ITGB4: variants seen among roughly 807,000 people sequenced by gnomAD.
ITGB4 encodes the protein integrin beta-4.
A neutral mutation model predicts 207.6 loss-of-function variants in ITGB4; 159 were observed. The observed-to-expected ratio is 0.77, with a 90% CI of 0.67 to 0.87. The LOEUF is 0.87. ITGB4 is among the 40% of genes least tolerant of loss of function. ITGB4 has a pLI of 0.00. For missense variants in ITGB4, 2,278 were observed against 2,546.8 expected, an observed-to-expected ratio of 0.89 and a Z score of 2.27; for synonymous variants, 1,020 against 1,062.7, an observed-to-expected ratio of 0.96 and a Z score of 0.78.
intron 18 of ITGB4, 49 bp downstream of exon 18, chr17:75,737,693 C>A: frequency 1.4e-5 from 20 of 1,460,790 alleles, no homozygotes; most frequent in Non-Finnish European, 1.9e-5. Context: ...GGGTCCCCAC[C>A]CCAACAGGGC....
chr17:75,722,444 G>A lies in ITGB4; in HGVS notation c.-11+832G>A, dbSNP rs113029007. Among the ~76,000 whole-genome samples, 6 of 152,216 alleles carry A rather than the reference G, an allele frequency of 3.9e-5. No individual in the cohort carries two copies. The highest frequency in any genetic ancestry group is 5.9e-5 in the Non-Finnish European group (4 of 68,028). On this transcript the variant is annotated intron_variant, in intron 1 of 39. Transcript: ENST00000200181. This position sits in a 1 kb window ranked among gnomAD's most constrained non-coding sequence, Gnocchi z 6.2. ...ACAGGTGGCATGGTTGTTGCTGTCC[G>A]AAACAGAGCTGGCAGTGAAGGCTTG...
intron 26 of ITGB4, among the ~76,000 whole-genome samples, chr17:75,747,573 A>G (rs552378246): frequency 1.4e-4 from 22 of 152,274 alleles, no homozygotes; most frequent in East Asian, 5.8e-4. Flanking sequence ...TTTCCCCCCA[A>G]TGCAGGAACT....
chr17:75,723,684 GC>G (rs1328874150), intron 1 of ITGB4, among the ~76,000 whole-genome samples: 4 of 152,238 alleles, frequency 2.6e-5, no homozygotes, highest in Non-Finnish European at 5.9e-5. Flanking sequence ...GGGGACCCCA[GC>G]CCCCAGACCC....
chr17:75,731,166 T>C lies in ITGB4; in HGVS notation c.1093-80T>C, dbSNP rs990577648. 21 of 1,608,800 alleles carry C rather than the reference T, an allele frequency of 1.3e-5. No homozygotes were observed. The East Asian group carries it at 2.2e-4, about 17-fold the overall frequency. Reference sequence around the variant, plus strand: ...CCTGCAGGCTCTGTGATACCCCGCATGATGCCAGCCACACTTGGAGGTTGG... The same window carrying C: ...CCTGCAGGCTCTGTGATACCCCGCACGATGCCAGCCACACTTGGAGGTTGG... On this transcript the variant is annotated intron_variant, in intron 9 of 39. Transcript: ENST00000200181. The surrounding 1 kb of genome is among the most constrained non-coding windows in gnomAD (Gnocchi z 6.8).
rs761480611 is a variant in ITGB4 at position 75,756,610 on chromosome 17, C to T, written c.4890C>T (p.Pro1630=). 1.9e-6 allele frequency: 3 copies of T among 1,612,704 alleles called. No homozygotes were observed. The highest frequency in any genetic ancestry group is 1.7e-5 in the Admixed American group (1 of 59,998). ...TGCACCCGCAGAGCCCACTGTGTCC[C>T]CTGCCAGGTGAGTTGCCTCCCCCAG... is the stretch of plus-strand genomic sequence containing the variant. ...SQVHPQSPLC[P]LPGSAFTLST... Residue 1630 remains proline (P), a synonymous_variant, in exon 36 of 40, where the codon CCC becomes CCT. Coordinates refer to ENST00000200181, the MANE Select transcript of ITGB4 (RefSeq NM_000213.5).
intron 8 of ITGB4, 69 bp downstream of exon 8, chr17:75,730,573 TCTCCCTCCCTCC>T (rs541924596): frequency 1.6e-5 from 20 of 1,252,014 alleles, no homozygotes; most frequent in African/African-American, 1.3e-4. Flanking sequence ...CTCAGACACC[TCTCCCTCCCTCC>T]CTCCCTCCCT....
chr17:75,750,159 C>T lies in ITGB4; in HGVS notation c.3365C>T (p.Pro1122Leu), dbSNP rs1340952132. 6.2e-7 allele frequency: 1 copy of T among 1,613,834 alleles called. No individual in the cohort carries two copies. Among genetic ancestry groups the T allele is most frequent in the Non-Finnish European group, 8.5e-7 (1 of 1,180,026 alleles). ...AGTCAGATGTTGTCATCACAGCCAC[C>T]CCCTCACGGCGACCTGGGCGCCCCG... ...FTSQMLSSQP[P>L]PHGDLGAPQN... The change falls in exon 28 of 40, where the codon CCC (proline) becomes CTC (leucine). Residue 1122 changes from proline to leucine, a missense_variant. By Grantham distance (98) the Pro-to-Leu change is moderately conservative. Transcript: ENST00000200181. This position sits in a 1 kb window ranked among gnomAD's most constrained non-coding sequence, Gnocchi z 5.5.
chr17:75,730,529 G>A, intron 8 of ITGB4, 25 bp downstream of exon 8: 1 of 1,613,004 alleles, frequency 6.2e-7, no homozygotes, highest in Non-Finnish European at 8.5e-7. Flanking sequence ...TCCCACGGGT[G>A]GGAGGTGGTC....
At position 75,739,698 on chromosome 17, in the gene ITGB4, C is replaced by T; in HGVS notation, c.2247C>T (p.Cys749=). ...CKACLALLPC[C]NRGHMVGFKE... is the part of the protein sequence containing the mutation. The stretch of plus-strand genomic sequence containing the variant: ...CCTGCCTGGCACTTCTCCCGTGCTG[C>T]AACCGAGGTATGGGCCTGGCATCGC... The change falls in exon 19 of 40, where the codon TGC becomes TGT. Residue 749 remains cysteine (C), a synonymous_variant. Coordinates refer to ENST00000200181, the MANE Select transcript of ITGB4 (RefSeq NM_000213.5). This position sits in a 1 kb window ranked among gnomAD's most constrained non-coding sequence, Gnocchi z 5.4. 6.2e-7 allele frequency: 1 copy of T among 1,614,160 alleles called. No homozygotes were observed. The highest frequency in any genetic ancestry group is 1.1e-5 in the South Asian group (1 of 91,086).
chr17:75,755,177 C>T, intron 34 of ITGB4: 1 of 1,608,136 alleles, frequency 6.2e-7, no homozygotes, highest in South Asian at 1.1e-5. Context: ...CTCTATAATC[C>T]TGGCTGGGAG....
intron 35 of ITGB4, 83 bp from the exon 36 acceptor site, chr17:75,756,346 G>C (rs1440611067): frequency 1.3e-6 from 2 of 1,512,086 alleles, no homozygotes; most frequent in African/African-American, 1.4e-5. Flanking sequence ...ACTAGGTCTC[G>C]ATGGCAGCTT....
chr17:75,748,730 G>C (rs2061291756), intron 26 of ITGB4, 111 bp from the exon 27 acceptor site: 1 of 770,634 alleles, frequency 1.3e-6, no homozygotes. Context: ...ACTCCACCCA[G>C]CAAGCAGGGA....
intron 12 of ITGB4, among the ~76,000 whole-genome samples, chr17:75,733,185 G>T (rs2060899408): frequency 6.6e-6 from 1 of 151,876 alleles, no homozygotes; most frequent in Non-Finnish European, 1.5e-5. Context: ...TCAGGAGATC[G>T]AGACCATCCT....
Position 75,740,305 on chromosome 17 carries a change from C to A in ITGB4, c.2447-53C>A. 2.0e-6 allele frequency: 3 copies of A among 1,491,896 alleles called. No homozygotes were observed. The South Asian group carries it at 3.5e-5, about 17-fold the overall frequency. 92.4% of individuals were successfully genotyped at this position (1,491,896 alleles called of 1,614,324 possible). On this transcript the variant is annotated intron_variant, in intron 20 of 39. Transcript: ENST00000200181. The surrounding 1 kb of genome is among the most constrained non-coding windows in gnomAD (Gnocchi z 5.9). The stretch of plus-strand genomic sequence containing the variant: ...TGGAGGGATGCTCTGTGGTGCCTGT[C>A]ATGCAGGGGGCTGACCACCTCCATC...
Position 75,748,912 on chromosome 17 carries a change from C to T in ITGB4, c.3183C>T (p.Leu1061=). 1 of 1,613,330 alleles carries T rather than the reference C, an allele frequency of 6.2e-7. No individual in the cohort carries two copies. The highest frequency in any genetic ancestry group is 8.5e-7 in the Non-Finnish European group (1 of 1,179,952). ...GEAWKELQVK[L]LELQEVDSLL... Reference sequence around the variant, plus strand: ...CCTGGAAAGAGCTGCAGGTGAAGCTCCTGGAGCTGCAAGAAGTTGACTCCC... The same window carrying T: ...CCTGGAAAGAGCTGCAGGTGAAGCTTCTGGAGCTGCAAGAAGTTGACTCCC... Residue 1061 remains leucine, a synonymous_variant, in exon 27 of 40, where the codon CTC becomes CTT. Transcript: ENST00000200181.
chr17:75,756,618 G>A lies in ITGB4; in HGVS notation c.4897+1G>A. On this transcript the variant is annotated splice_donor_variant, in intron 36 of 39. Coordinates refer to ENST00000200181, the MANE Select transcript of ITGB4 (RefSeq NM_000213.5). LOFTEE classifies it high-confidence loss of function. Reference sequence around the variant, plus strand: ...CAGAGCCCACTGTGTCCCCTGCCAGGTGAGTTGCCTCCCCCAGCCCCAGAG... The same window carrying A: ...CAGAGCCCACTGTGTCCCCTGCCAGATGAGTTGCCTCCCCCAGCCCCAGAG... The A allele has an allele frequency of 6.2e-7, 1 of 1,612,802 alleles. No individual in the cohort carries two copies. The highest frequency in any genetic ancestry group is 8.5e-7 in the Non-Finnish European group (1 of 1,179,926).
chr17:75,739,850 G>C lies in ITGB4; in HGVS notation c.2255-30G>C, dbSNP rs1270742918. 3 of 1,612,852 alleles carry C rather than the reference G, an allele frequency of 1.9e-6. No homozygotes were observed. In the African/African-American group the frequency reaches 4.0e-5, roughly 22 times the overall value. ...GGTTGGGCTGTGCGGGTCTAGGGAGGGGTGCCGTGCTGAGGACCCCATCCT... is the reference window on the plus strand; with the variant it reads ...GGTTGGGCTGTGCGGGTCTAGGGAGCGGTGCCGTGCTGAGGACCCCATCCT... On this transcript the variant is annotated intron_variant, in intron 19 of 39. Coordinates refer to ENST00000200181, the MANE Select transcript of ITGB4 (RefSeq NM_000213.5). The surrounding 1 kb of genome is among the most constrained non-coding windows in gnomAD (Gnocchi z 5.4).
chr17:75,732,155 C>T lies in ITGB4; in HGVS notation c.1378-8C>T. 3 of 1,614,078 alleles carry T rather than the reference C, an allele frequency of 1.9e-6. No homozygotes were observed. The highest frequency in any genetic ancestry group is 1.7e-6 in the Non-Finnish European group (2 of 1,180,022). ...CGACGCACCCCACCATGGTCTCTCT[C>T]ATTCCAGCAAAAAGAGGTGCGGTCA... On this transcript the variant is annotated splice_polypyrimidine_tract_variant and splice_region_variant and intron_variant, in intron 11 of 39. Transcript: ENST00000200181. The surrounding 1 kb of genome is among the most constrained non-coding windows in gnomAD (Gnocchi z 5.3).
rs758288934 is a variant in ITGB4, at chr17:75,755,737, C to G, written c.4595C>G (p.Thr1532Ser). Residue 1532 changes from threonine (T) to serine (S), a missense_variant, in exon 35 of 40, where the codon ACC (threonine) becomes AGC (serine). Physicochemically the swap from Thr to Ser is moderately conservative, Grantham distance 58 (BLOSUM62 1). Transcript: ENST00000200181. ...ACTGCTGGTGTGCCCGACACGCCCA[C>G]CCGCCTGGTGTTCTCTGCCCTGGGG... ...RLTAGVPDTP[T>S]RLVFSALGPT... The G allele has an allele frequency of 1.2e-6, 2 of 1,612,838 alleles. No individual in the cohort carries two copies. Among genetic ancestry groups the G allele is most frequent in the Non-Finnish European group, 1.7e-6 (2 of 1,179,928 alleles).
Sources: allele counts gnomAD v4.1 joint callset (sites outside exome capture counted in the v4.1 genomes callset), GRCh38; gene constraint gnomAD v4.1.1; non-coding constraint Gnocchi (gnomAD v3.1); transcripts MANE v1.5; gene names NCBI Gene and HGNC (gene_info 2026-07-23, HGNC 2026-07-21).